Variants in PTPRK observed in about 807,000 individuals in gnomAD.
PTPRK encodes protein tyrosine phosphatase receptor type K, also known as receptor-type tyrosine-protein phosphatase kappa.
PTPRK carries 75 observed loss-of-function variants against 178.0 expected under a neutral mutation model. The observed-to-expected ratio is 0.42, with a 90% CI of 0.35 to 0.51. The LOEUF is 0.51. Among genes scored for constraint, PTPRK ranks in the 20% least tolerant of loss-of-function variants. PTPRK has a pLI of 0.02. For missense variants in PTPRK, 1,441 were observed against 1,797.8 expected (o/e 0.80, Z 3.59); for synonymous variants, 637 against 620.6 (o/e 1.03, Z -0.39).
intron 7 of PTPRK, among the ~76,000 whole-genome samples, chr6:128,094,662 C>T (rs1787605523): frequency 6.6e-6 from 1 of 152,076 alleles, no homozygotes; most frequent in Non-Finnish European, 1.5e-5. Flanking sequence ...GACAATGTCC[C>T]TAGCTGGGAA....
intron 6 of PTPRK, among the ~76,000 whole-genome samples, chr6:128,198,434 G>A (rs917010127): frequency 2.0e-5 from 3 of 152,028 alleles, no homozygotes; most frequent in Admixed American, 6.6e-5. Context: ...AGAACACATG[G>A]ACACAGGGAG....
intron 2 of PTPRK, among the ~76,000 whole-genome samples, chr6:128,337,750 C>T (rs540861218): frequency 6.6e-6 from 1 of 152,262 alleles, no homozygotes; most frequent in African/African-American, 2.4e-5. Context: ...GTGATGACCT[C>T]TACACAAGAC....
At chr6:128,007,346 G>C (rs1055953374) in intron 14 of PTPRK, among the ~76,000 whole-genome samples, 5 of 150,730 alleles carry the variant, frequency 3.3e-5, no homozygotes, top group African/African-American at 1.2e-4. Context: ...CTTTTCCTGG[G>C]TATAAAGGTG....
chr6:128,101,841 A>C (rs781723674), intron 7 of PTPRK, among the ~76,000 whole-genome samples: 1 of 152,138 alleles, frequency 6.6e-6, no homozygotes, highest in African/African-American at 2.4e-5. Flanking sequence ...ATTCCATCTA[A>C]TCAGAATACA....
At chr6:128,219,840 C>A (rs1387464079) in intron 5 of PTPRK, among the ~76,000 whole-genome samples, 2 of 152,130 alleles carry the variant, frequency 1.3e-5, no homozygotes, top group Non-Finnish European at 2.9e-5. Context: ...TCTCTGTATT[C>A]CAAATGTGTA....
At chr6:128,263,843 T>C (rs981998) in intron 3 of PTPRK, among the ~76,000 whole-genome samples, 14,076 of 152,100 alleles carry the variant, frequency 0.093, 1,630 homozygotes, top group African/African-American at 0.27. Flanking sequence ...CATGAAAGAG[T>C]ACCTTGTAGA....
At chr6:128,386,424 T>C (rs1296719212) in intron 2 of PTPRK, among the ~76,000 whole-genome samples, 2 of 152,178 alleles carry the variant, frequency 1.3e-5, no homozygotes, top group East Asian at 3.9e-4. Flanking sequence ...GGTCCCGGCC[T>C]GAGAGGAAAT....
At chr6:128,336,594 T>A (rs1404953090) in intron 2 of PTPRK, among the ~76,000 whole-genome samples, 1 of 152,146 alleles carries the variant, frequency 6.6e-6, no homozygotes, top group East Asian at 1.9e-4. Context: ...ATTCATAAGC[T>A]AAATGGATGC....
At chr6:128,238,254 C>T (rs1285886197) in intron 5 of PTPRK, 1 of 374,196 alleles carries the variant, frequency 2.7e-6, no homozygotes, top group Non-Finnish European at 5.0e-6. Context: ...ATAGAAGTTT[C>T]ATAGAATATT....
intron 2 of PTPRK, 36 bp from the exon 3 acceptor site, chr6:128,322,346 T>G (rs762085222): frequency 6.6e-7 from 1 of 1,506,568 alleles, no homozygotes; most frequent in East Asian, 2.3e-5. Context: ...GCTAAAGAGA[T>G]ATATAAGCAA....
intron 1 of PTPRK, among the ~76,000 whole-genome samples, chr6:128,497,342 G>C (rs1444750688): frequency 6.6e-6 from 1 of 152,128 alleles, no homozygotes; most frequent in Non-Finnish European, 1.5e-5. Context: ...GAGCTCAGTG[G>C]TTCACACCTG....
intron 6 of PTPRK, among the ~76,000 whole-genome samples, chr6:128,214,095 AT>A (rs1392049993): frequency 6.6e-6 from 1 of 152,172 alleles, no homozygotes; most frequent in Non-Finnish European, 1.5e-5. Context: ...TCATGTAAAT[AT>A]TGTGCTAGGT....
intron 2 of PTPRK, among the ~76,000 whole-genome samples, chr6:128,331,004 T>C (rs1010912154): frequency 1.3e-5 from 2 of 152,214 alleles, no homozygotes; most frequent in African/African-American, 4.8e-5. Flanking sequence ...ATTCATCTAT[T>C]GGTGCAGCAT....
intron 3 of PTPRK, among the ~76,000 whole-genome samples, chr6:128,251,788 GTT>G (rs1280713273): frequency 6.6e-6 from 1 of 152,074 alleles, no homozygotes; most frequent in Non-Finnish European, 1.5e-5. Flanking sequence ...TATTTATAAT[GTT>G]ACCAGGTATT....
At chr6:128,493,433 G>A (rs1016228811) in intron 1 of PTPRK, among the ~76,000 whole-genome samples, 1 of 151,808 alleles carries the variant, frequency 6.6e-6, no homozygotes, top group Non-Finnish European at 1.5e-5. Flanking sequence ...ATGGTGGCAG[G>A]CGCCTGTAGT....
At chr6:128,060,547 A>T (rs116158863) in intron 13 of PTPRK, among the ~76,000 whole-genome samples, 1,634 of 152,264 alleles carry the variant, frequency 0.011, 32 homozygotes, top group African/African-American at 0.036. Flanking sequence ...GGTCCTTCAC[A>T]TTGAAATGTG....
At chr6:128,069,972 G>T (rs1378617289) in intron 11 of PTPRK, among the ~76,000 whole-genome samples, 1 of 152,028 alleles carries the variant, frequency 6.6e-6, no homozygotes, top group Non-Finnish European at 1.5e-5. Flanking sequence ...TGAACTTTCA[G>T]ATTTGGCCCT....
chr6:128,318,338 G>A (rs1055167474), intron 3 of PTPRK, among the ~76,000 whole-genome samples: 2 of 152,048 alleles, frequency 1.3e-5, no homozygotes, highest in Non-Finnish European at 2.9e-5. Flanking sequence ...TCTTTCTACT[G>A]ACAAAATATC....
chr6:128,136,730 T>C (rs1795070807), intron 7 of PTPRK, among the ~76,000 whole-genome samples: 1 of 152,218 alleles, frequency 6.6e-6, no homozygotes. Flanking sequence ...TCTGTTTTTG[T>C]ATTTGTGGAC....
Sources: gnomAD v4.1 joint callset for allele counts (sites outside exome capture counted in the v4.1 genomes callset) on GRCh38, gnomAD v4.1.1 for gene constraint, MANE v1.5 for transcripts, NCBI Gene and HGNC (gene_info 2026-07-23, HGNC 2026-07-21) for gene names.